TEX11: variants seen among roughly 807,000 people sequenced by gnomAD.
The protein encoded by TEX11 is testis-expressed protein 11.
TEX11 carries 7 observed loss-of-function variants against 84.4 expected under a neutral mutation model. The observed-to-expected ratio is 0.08, with a 90% CI of 0.05 to 0.16. The LOEUF is 0.16. Among genes scored for constraint, TEX11 ranks in the 10% least tolerant of loss-of-function variants. The probability of loss-of-function intolerance (pLI) is 1.00; values close to 1 mark genes in which losing one functional copy is unlikely to be tolerated. For missense variants in TEX11, 551 were observed against 660.5 expected (o/e 0.83, Z 1.82); for synonymous variants, 264 against 222.8 (o/e 1.18, Z -1.64).
intron 4 of TEX11, among the ~76,000 whole-genome samples, chrX:70,863,793 C>A (rs2091583122): frequency 9.0e-6 from 1 of 111,335 alleles, no homozygotes; most frequent in South Asian, 3.8e-4. Context: ...GCTAAAGGAG[C>A]ATGTTCTACC....
chrX:70,539,897 A>G (rs2088019018), intron 28 of TEX11, among the ~76,000 whole-genome samples: 1 of 111,591 alleles, frequency 9.0e-6, no homozygotes, highest in South Asian at 3.8e-4. Context: ...AAAAAGAAAG[A>G]AAAAAGCCCC....
At chrX:70,832,094 G>A (rs1291662515) in intron 8 of TEX11, among the ~76,000 whole-genome samples, 1 of 111,406 alleles carries the variant, frequency 9.0e-6, no homozygotes, top group Non-Finnish European at 1.9e-5. Context: ...AATCAATCCT[G>A]TATACCACCC....
chrX:70,555,767 A>G (rs773877562), intron 25 of TEX11, among the ~76,000 whole-genome samples: 1 of 112,131 alleles, frequency 8.9e-6, no homozygotes, highest in Non-Finnish European at 1.9e-5. Flanking sequence ...GTTAGGTAGA[A>G]TTCTTCAATG....
intron 9 of TEX11, among the ~76,000 whole-genome samples, chrX:70,775,794 C>T (rs1386043080): frequency 1.9e-4 from 2 of 10,424 alleles, no homozygotes; most frequent in Non-Finnish European, 4.0e-4. Flanking sequence ...AGCGAGACTC[C>T]GTCTCAAAAA....
intron 13 of TEX11, among the ~76,000 whole-genome samples, chrX:70,689,699 A>G (rs1350158918): frequency 8.9e-6 from 1 of 112,266 alleles, no homozygotes; most frequent in East Asian, 2.8e-4. Context: ...TGATATAAAA[A>G]TGGTTGAACA....
chrX:70,729,147 C>A (rs767925150), intron 11 of TEX11, among the ~76,000 whole-genome samples: 67 of 102,013 alleles, frequency 6.6e-4, no homozygotes, highest in Admixed American at 3.6e-3. Flanking sequence ...ACATGCACAC[C>A]AAAACCCCAT....
intron 24 of TEX11, among the ~76,000 whole-genome samples, chrX:70,598,522 T>G (rs1029082130): frequency 8.9e-6 from 1 of 112,004 alleles, no homozygotes; most frequent in African/African-American, 3.2e-5. Flanking sequence ...TATTTCATAT[T>G]GAAAGAAATG....
chrX:70,559,883 G>A (rs919782749), intron 25 of TEX11, among the ~76,000 whole-genome samples: 1 of 111,519 alleles, frequency 9.0e-6, no homozygotes, highest in Non-Finnish European at 1.9e-5. Context: ...GAGATTTGAC[G>A]GTCACTGCTG....
intron 13 of TEX11, among the ~76,000 whole-genome samples, chrX:70,716,571 G>A (rs1230941239): frequency 2.7e-5 from 3 of 112,644 alleles, no homozygotes; most frequent in Non-Finnish European, 5.6e-5. Flanking sequence ...GGCTCTGTGG[G>A]CGTAGGACCC....
At chrX:70,900,175 C>T (rs1285557312) in intron 2 of TEX11, among the ~76,000 whole-genome samples, 3 of 104,399 alleles carry the variant, frequency 2.9e-5, no homozygotes, top group Non-Finnish European at 3.9e-5. Context: ...TGTCTCAAAA[C>T]AAACAAAAAA....
chrX:70,757,353 A>G (rs1167602979), intron 9 of TEX11, among the ~76,000 whole-genome samples: 1 of 111,618 alleles, frequency 9.0e-6, no homozygotes, highest in East Asian at 2.8e-4. Context: ...GGAAAAAAAC[A>G]TTAAGGGCAG....
chrX:70,529,214 T>A, intron 29 of TEX11, 27 bp from the exon 30 acceptor site: 1 of 1,129,872 alleles, frequency 8.9e-7, no homozygotes. Flanking sequence ...CAAATAGATT[T>A]CTTGAGGGGA....
intron 25 of TEX11, among the ~76,000 whole-genome samples, chrX:70,585,140 C>A (rs1354177223): frequency 3.6e-5 from 4 of 112,010 alleles, no homozygotes; most frequent in Non-Finnish European, 7.5e-5. Flanking sequence ...TATAGAAAAT[C>A]CCAAAGAAAC....
At chrX:70,537,846 G>A (rs1437192579) in intron 28 of TEX11, among the ~76,000 whole-genome samples, 1 of 111,637 alleles carries the variant, frequency 9.0e-6, no homozygotes, top group Non-Finnish European at 1.9e-5. Flanking sequence ...GGATGCCAAA[G>A]TCACTTAGGA....
chrX:70,866,000 C>G (rs2091597204), intron 4 of TEX11, among the ~76,000 whole-genome samples: 1 of 111,247 alleles, frequency 9.0e-6, no homozygotes, highest in Non-Finnish European at 1.9e-5. Flanking sequence ...CAAGAGCAAA[C>G]AAATTCAAAA....
intron 1 of TEX11, among the ~76,000 whole-genome samples, chrX:70,908,202 G>A (rs1051844621): frequency 2.7e-5 from 3 of 111,456 alleles, no homozygotes; most frequent in African/African-American, 9.8e-5. Flanking sequence ...TGCCCCCAAC[G>A]GTCATGAACA....
chrX:70,747,623 G>C (rs931672264), intron 9 of TEX11, among the ~76,000 whole-genome samples: 1 of 111,584 alleles, frequency 9.0e-6, no homozygotes, highest in African/African-American at 3.2e-5. Flanking sequence ...AATAGAAAAA[G>C]ACTTCAAAGC....
At chrX:70,731,623 A>T (rs191952352) in intron 11 of TEX11, among the ~76,000 whole-genome samples, 1 of 111,794 alleles carries the variant, frequency 8.9e-6, no homozygotes, top group African/African-American at 3.3e-5. Flanking sequence ...GAACCTCTGA[A>T]TAGACCAATA....
chrX:70,745,951 A>C (rs946034909), intron 9 of TEX11, among the ~76,000 whole-genome samples: 1 of 111,377 alleles, frequency 9.0e-6, no homozygotes, highest in Non-Finnish European at 1.9e-5. Flanking sequence ...AGCTCTTTAG[A>C]CACTCTCCCC....
Sources: allele counts gnomAD v4.1 joint callset (sites outside exome capture counted in the v4.1 genomes callset), GRCh38; gene constraint gnomAD v4.1.1; transcripts MANE v1.5; gene names NCBI Gene and HGNC (gene_info 2026-07-23, HGNC 2026-07-21).